Variants in FNIP2 observed in about 807,000 individuals in gnomAD.
FNIP2 encodes folliculin-interacting protein 2.
In FNIP2, 32 loss-of-function variants were observed where a neutral mutation model predicts 108.7. That is an observed-to-expected ratio of 0.29 (90% confidence interval 0.22 to 0.40). The LOEUF (loss-of-function observed/expected upper bound fraction) is 0.40, where lower values mean the gene tolerates loss of function less well. Among genes scored for constraint, FNIP2 ranks in the 10% least tolerant of loss-of-function variants. The pLI is 1.00. For synonymous variants in FNIP2, 480 were observed against 496.7 expected, an observed-to-expected ratio of 0.97 and a Z score of 0.45; for missense variants, 1,202 against 1,381.6, an observed-to-expected ratio of 0.87 and a Z score of 2.06.
At position 158,861,595 on chromosome 4, in the gene FNIP2, C is replaced by T; in HGVS notation, c.1296-12C>T. The T allele has an allele frequency of 6.2e-7, 1 of 1,613,806 alleles. No homozygotes were observed. Among genetic ancestry groups the T allele is most frequent in the Non-Finnish European group, 8.5e-7 (1 of 1,179,828 alleles). ...TGACTAAGTTGGTTGTATCTTTTTC[C>T]ATTTCTCCAAGGTTTTTTGCTGCCT... On this transcript the variant is annotated splice_polypyrimidine_tract_variant and intron_variant, in intron 11 of 16. Transcript: ENST00000264433.
rs868666146 is a variant in FNIP2 at position 158,830,323 on chromosome 4, C to T, written c.381+1098C>T. ...CAGGCCGGACTGCGGACTGCAGTGGCGCAATCTCGGCTCACTGCAAGCTCC... is the reference window on the plus strand; with the variant it reads ...CAGGCCGGACTGCGGACTGCAGTGGTGCAATCTCGGCTCACTGCAAGCTCC... On this transcript the variant is annotated intron_variant, in intron 3 of 16. Transcript: ENST00000264433. Among the ~76,000 whole-genome samples, 180 of 139,830 alleles carry T rather than the reference C, an allele frequency of 1.3e-3. 2 individuals carry two copies. Among genetic ancestry groups the T allele is most frequent in the African/African-American group, 4.6e-3 (171 of 37,214 alleles). 91.7% of individuals were successfully genotyped at this position (139,830 alleles called of 152,430 possible). A position where few individuals can be genotyped will look rare whatever the true frequency, so the allele number is the denominator to read the frequency against.
Position 158,829,189 on chromosome 4 carries a change from T to G in FNIP2, c.345T>G (p.Ser115=). Residue 115 remains serine (S), a synonymous_variant, in exon 3 of 17, where the codon TCT becomes TCG. Transcript: ENST00000264433. ...CTTCCCACAGTTCTTCTGGGGGATCTTCACATCATGCTAAGGAACAGCTTC... is the reference window on the plus strand; with the variant it reads ...CTTCCCACAGTTCTTCTGGGGGATCGTCACATCATGCTAAGGAACAGCTTC... ...SISSHSSSGG[S]SHHAKEQLPK... 3 of 1,612,724 alleles carry G rather than the reference T, an allele frequency of 1.9e-6. No homozygotes were observed. Among genetic ancestry groups the G allele is most frequent in the Non-Finnish European group, 2.5e-6 (3 of 1,179,292 alleles).
intron 1 of FNIP2, among the ~76,000 whole-genome samples, chr4:158,820,272 T>C (rs1487121747): frequency 6.6e-6 from 1 of 152,170 alleles, no homozygotes; most frequent in Admixed American, 6.5e-5. Flanking sequence ...AAAACAGAGA[T>C]CATGCTTTTT....
At position 158,868,691 on chromosome 4, in the gene FNIP2, G is replaced by C; in HGVS notation, c.2055G>C (p.Leu685=). 1 of 1,614,046 alleles carries C rather than the reference G, an allele frequency of 6.2e-7. No individual in the cohort carries two copies. Residue 685 remains leucine (L), a synonymous_variant, in exon 13 of 17, where the codon CTG becomes CTC. Transcript: ENST00000264433. The surrounding 1 kb of genome is among the most constrained non-coding windows in gnomAD (Gnocchi z 4.6). ...MKMDQQAVCE[L]LKVEMPTRLP... Reference sequence around the variant, plus strand: ...TGGACCAGCAAGCTGTCTGTGAGCTGTTGAAAGTGGAGATGCCTACAAGAC... The same window carrying C: ...TGGACCAGCAAGCTGTCTGTGAGCTCTTGAAAGTGGAGATGCCTACAAGAC...
At chr4:158,787,141 G>A (rs948069857) in intron 1 of FNIP2, among the ~76,000 whole-genome samples, 2 of 152,200 alleles carry the variant, frequency 1.3e-5, no homozygotes, top group African/African-American at 2.4e-5. Context: ...GCCCCCATGA[G>A]TGCAGTTAAC....
At chr4:158,872,130 A>T in intron 14 of FNIP2, 2 of 985,324 alleles carry the variant, frequency 2.0e-6, no homozygotes, top group Non-Finnish European at 2.4e-6. Flanking sequence ...CAGGGGAACT[A>T]ATGGGATTGT....
intron 1 of FNIP2, among the ~76,000 whole-genome samples, chr4:158,808,954 C>T (rs1295608929): frequency 6.6e-6 from 1 of 152,172 alleles, no homozygotes; most frequent in African/African-American, 2.4e-5. Context: ...TGTTGGTTGT[C>T]TCATTGCGGT....
At chr4:158,795,687 G>A (rs1776563547) in intron 1 of FNIP2, among the ~76,000 whole-genome samples, 1 of 152,184 alleles carries the variant, frequency 6.6e-6, no homozygotes, top group African/African-American at 2.4e-5. Context: ...GCGGGCAAGG[G>A]AGCGAAGCTT....
chr4:158,853,042 T>G (rs1489375808), intron 8 of FNIP2, among the ~76,000 whole-genome samples: 1 of 152,196 alleles, frequency 6.6e-6, no homozygotes, highest in African/African-American at 2.4e-5. Flanking sequence ...TTAAGAATAC[T>G]TTATATGTAA....
At chr4:158,850,917 A>C (rs1156777830) in intron 7 of FNIP2, among the ~76,000 whole-genome samples, 1 of 152,044 alleles carries the variant, frequency 6.6e-6, no homozygotes, top group Admixed American at 6.6e-5. Flanking sequence ...CACTTGCTAC[A>C]TCTGTGACTC....
At chr4:158,838,579 A>T (rs886243228) in intron 7 of FNIP2, among the ~76,000 whole-genome samples, 1 of 152,164 alleles carries the variant, frequency 6.6e-6, no homozygotes, top group Non-Finnish European at 1.5e-5. Flanking sequence ...AATTTTTAAA[A>T]ATAGTTTTAT....
chr4:158,785,087 C>CT (rs397805773), intron 1 of FNIP2, among the ~76,000 whole-genome samples: 3,820 of 123,138 alleles, frequency 0.031, 231 homozygotes, highest in African/African-American at 0.091. Context: ...TAAAGTTCCT[C>CT]TTTTTTTTTT....
chr4:158,887,152 A>G (rs1782060915), intron 14 of FNIP2, among the ~76,000 whole-genome samples: 1 of 152,180 alleles, frequency 6.6e-6, no homozygotes, highest in African/African-American at 2.4e-5. Flanking sequence ...AAGAGCAGAT[A>G]GTGGATTAGG....
intron 2 of FNIP2, among the ~76,000 whole-genome samples, chr4:158,826,879 A>G (rs1338369441): frequency 6.6e-6 from 1 of 152,172 alleles, no homozygotes; most frequent in African/African-American, 2.4e-5. Context: ...TTTTATGTTC[A>G]ATAAGTTGCT....
intron 7 of FNIP2, among the ~76,000 whole-genome samples, chr4:158,848,001 T>A (rs1365457371): frequency 2.0e-5 from 3 of 152,126 alleles, no homozygotes; most frequent in Non-Finnish European, 4.4e-5. Context: ...ATCAGGTAGA[T>A]TCGTAAGGTT....
At chr4:158,797,805 C>A (rs1466103875) in intron 1 of FNIP2, among the ~76,000 whole-genome samples, 1 of 152,164 alleles carries the variant, frequency 6.6e-6, no homozygotes, top group Non-Finnish European at 1.5e-5. Context: ...TGGCATGAGT[C>A]AAGAGGGAGC....
At chr4:158,771,583 G>A (rs1578807210) in intron 1 of FNIP2, among the ~76,000 whole-genome samples, 2 of 152,180 alleles carry the variant, frequency 1.3e-5, no homozygotes, top group East Asian at 3.8e-4. Flanking sequence ...TAGAAGTGAA[G>A]CTAAAACCCT....
chr4:158,867,371 T>C (rs879542961), intron 12 of FNIP2, among the ~76,000 whole-genome samples: 1 of 152,138 alleles, frequency 6.6e-6, no homozygotes, highest in Non-Finnish European at 1.5e-5. Context: ...TTTTGTATTT[T>C]GGGTAGAGAC....
intron 1 of FNIP2, among the ~76,000 whole-genome samples, chr4:158,795,328 T>C (rs973886386): frequency 3.3e-5 from 5 of 152,232 alleles, no homozygotes; most frequent in African/African-American, 1.2e-4. Flanking sequence ...AACCACTTAC[T>C]AACTGCCTGC....
Sources: gnomAD v4.1 joint callset for allele counts (sites outside exome capture counted in the v4.1 genomes callset) on GRCh38, gnomAD v4.1.1 for gene constraint, Gnocchi (gnomAD v3.1) non-coding constraint, MANE v1.5 for transcripts, NCBI Gene and HGNC (gene_info 2026-07-23, HGNC 2026-07-21) for gene names.